Variants in KSR2 observed in about 807,000 individuals in gnomAD.
KSR2 encodes the protein kinase suppressor of ras 2.
In KSR2, 25 loss-of-function variants were observed where a neutral mutation model predicts 107.8. That is an observed-to-expected ratio of 0.23 (90% confidence interval 0.17 to 0.32). The LOEUF is 0.32. Ranked by LOEUF, KSR2 falls within the 10% of genes least tolerant of loss-of-function variation. The pLI is 1.00. For synonymous variants in KSR2, 480 were observed against 507.0 expected, an observed-to-expected ratio of 0.95 and a Z score of 0.71; for missense variants, 887 against 1,268.9, an observed-to-expected ratio of 0.70 and a Z score of 4.57.
chr12:117,841,157 C>T (rs1402103196), intron 3 of KSR2, among the ~76,000 whole-genome samples: 2 of 152,114 alleles, frequency 1.3e-5, no homozygotes, highest in South Asian at 2.1e-4. Context: ...CAAAAAGCCA[C>T]CTGAGTGAAA....
intron 14 of KSR2, among the ~76,000 whole-genome samples, chr12:117,492,840 G>C (rs1016756666): frequency 6.6e-6 from 1 of 152,190 alleles, no homozygotes; most frequent in African/African-American, 2.4e-5. Flanking sequence ...ACCCACCATC[G>C]CTGACTTTGA....
At chr12:117,619,039 C>G (rs1411331788) in intron 5 of KSR2, among the ~76,000 whole-genome samples, 1 of 151,964 alleles carries the variant, frequency 6.6e-6, no homozygotes, top group Non-Finnish European at 1.5e-5. Flanking sequence ...TCTGCAGGAC[C>G]CTAGGGGGAC....
intron 4 of KSR2, among the ~76,000 whole-genome samples, chr12:117,698,897 T>C (rs1289866445): frequency 1.3e-5 from 2 of 152,142 alleles, no homozygotes; most frequent in East Asian, 1.9e-4. Flanking sequence ...CCTTTGCACA[T>C]ACAGTTCCCA....
At chr12:117,803,753 C>A (rs1157762857) in intron 3 of KSR2, among the ~76,000 whole-genome samples, 2 of 152,104 alleles carry the variant, frequency 1.3e-5, no homozygotes, top group Non-Finnish European at 2.9e-5. Context: ...ATTTATTGAG[C>A]ACTAGCTACG....
chr12:117,930,416 T>G (rs888328506), intron 1 of KSR2, among the ~76,000 whole-genome samples: 1 of 152,166 alleles, frequency 6.6e-6, no homozygotes, highest in Non-Finnish European at 1.5e-5. Flanking sequence ...AACTTTAATA[T>G]GCACAGAAAT....
intron 4 of KSR2, among the ~76,000 whole-genome samples, chr12:117,697,173 C>T (rs1379881577): frequency 2.6e-5 from 4 of 152,192 alleles, no homozygotes; most frequent in Admixed American, 6.5e-5. Flanking sequence ...GGAAGGACAG[C>T]GTCCCTAAAC....
intron 1 of KSR2, among the ~76,000 whole-genome samples, chr12:117,951,240 T>G (rs974008367): frequency 6.6e-6 from 1 of 152,162 alleles, no homozygotes; most frequent in Non-Finnish European, 1.5e-5. Context: ...GGGCTTTATT[T>G]GGAGCTGGTG....
intron 14 of KSR2, among the ~76,000 whole-genome samples, chr12:117,487,747 T>C (rs185912044): frequency 6.6e-6 from 1 of 152,208 alleles, no homozygotes; most frequent in East Asian, 1.9e-4. Flanking sequence ...CAGGAAAGTC[T>C]CAAGCTTCAG....
At chr12:117,773,063 C>T (rs189591211) in intron 3 of KSR2, among the ~76,000 whole-genome samples, 30 of 152,322 alleles carry the variant, frequency 2.0e-4, no homozygotes, top group Non-Finnish European at 2.6e-4. Context: ...CTTCTCTCTG[C>T]CGAAGCTTCA....
At chr12:117,714,327 GA>G (rs1886899234) in intron 4 of KSR2, among the ~76,000 whole-genome samples, 1 of 152,000 alleles carries the variant, frequency 6.6e-6, no homozygotes, top group African/African-American at 2.4e-5. Flanking sequence ...TTCTCCTGAG[GA>G]AAGGCAAGAA....
intron 14 of KSR2, chr12:117,517,777 C>T (rs1319666030): frequency 2.2e-6 from 1 of 448,548 alleles, no homozygotes; most frequent in Non-Finnish European, 4.4e-6. Flanking sequence ...CGCTTCCACT[C>T]GATGATGGGG....
At chr12:117,828,197 T>C (rs1355978611) in intron 3 of KSR2, among the ~76,000 whole-genome samples, 1 of 152,170 alleles carries the variant, frequency 6.6e-6, no homozygotes. Context: ...GTGTCCGGTA[T>C]GCAGTAACAC....
intron 9 of KSR2, among the ~76,000 whole-genome samples, chr12:117,549,152 T>C (rs1348420575): frequency 6.6e-6 from 1 of 152,236 alleles, no homozygotes; most frequent in African/African-American, 2.4e-5. Context: ...ATTTATCTAA[T>C]GGTAATTGCA....
intron 4 of KSR2, among the ~76,000 whole-genome samples, chr12:117,669,553 A>G (rs1296565890): frequency 2.0e-5 from 3 of 147,122 alleles, no homozygotes; most frequent in Non-Finnish European, 4.6e-5. Context: ...TGGGTTAAGT[A>G]AAATACATTG....
At chr12:117,886,172 A>G (rs1248623010) in intron 1 of KSR2, among the ~76,000 whole-genome samples, 1 of 150,746 alleles carries the variant, frequency 6.6e-6, no homozygotes, top group Admixed American at 6.6e-5. Flanking sequence ...ATATGTGTAT[A>G]TATAATATTT....
chr12:117,519,497 A>G (rs1267587470), intron 14 of KSR2, among the ~76,000 whole-genome samples: 3 of 152,084 alleles, frequency 2.0e-5, no homozygotes, highest in African/African-American at 7.2e-5. Flanking sequence ...TGGTTAGGGA[A>G]CCACATGATA....
intron 3 of KSR2, among the ~76,000 whole-genome samples, chr12:117,820,179 C>T (rs1891515091): frequency 6.6e-6 from 1 of 152,102 alleles, no homozygotes; most frequent in Non-Finnish European, 1.5e-5. Flanking sequence ...TCCCCCCTAC[C>T]CAGCTCTATG....
intron 5 of KSR2, among the ~76,000 whole-genome samples, chr12:117,652,823 T>G (rs761501533): frequency 6.6e-6 from 1 of 152,150 alleles, no homozygotes; most frequent in Non-Finnish European, 1.5e-5. Flanking sequence ...TAATGGAGTT[T>G]TAGCTCAGGT....
At chr12:117,774,717 C>T (rs1333882701) in intron 3 of KSR2, among the ~76,000 whole-genome samples, 1 of 152,182 alleles carries the variant, frequency 6.6e-6, no homozygotes, top group African/African-American at 2.4e-5. Flanking sequence ...TTCGGCACCA[C>T]TTAGTACATT....
Sources: gnomAD v4.1 joint callset for allele counts (sites outside exome capture counted in the v4.1 genomes callset) on GRCh38, gnomAD v4.1.1 for gene constraint, MANE v1.5 for transcripts, NCBI Gene and HGNC (gene_info 2026-07-23, HGNC 2026-07-21) for gene names.